Variants in PDLIM1 observed in about 807,000 individuals in gnomAD.
PDLIM1 encodes the protein PDZ and LIM domain 1.
A neutral mutation model predicts 35.2 loss-of-function variants in PDLIM1; 25 were observed. That is an observed-to-expected ratio of 0.71 (90% CI 0.52 to 0.99). The LOEUF (loss-of-function observed/expected upper bound fraction) is 0.99. PDLIM1 is among the 50% of genes least tolerant of loss of function. The pLI is 0.00. For missense variants in PDLIM1, 363 were observed against 415.3 expected (o/e 0.87, Z 1.09); for synonymous variants, 152 against 154.0 (o/e 0.99, Z 0.10).
In PDLIM1 at chr10:95,274,667, T is replaced by C. The variant is rs376469837; in HGVS notation, c.97-2883A>G. 2.2e-4 allele frequency among the ~76,000 whole-genome samples: 33 copies of C among 152,252 alleles called. 1 individual carries two copies. In the East Asian group the frequency reaches 5.2e-3, roughly 24 times the overall value. ...ACTTTATGTTTGCAAACCTCCTTGG[T>C]GGGTTAGTTTGTTTAATGTTGAAAG... On this transcript the variant is annotated intron_variant, in intron 1 of 6. Transcript: ENST00000329399.
chr10:95,259,981 A>C (rs2035346976), intron 4 of PDLIM1, among the ~76,000 whole-genome samples: 1 of 152,246 alleles, frequency 6.6e-6, no homozygotes. Flanking sequence ...ACCATAAGCC[A>C]CAGCAAAGTC....
intron 3 of PDLIM1, among the ~76,000 whole-genome samples, chr10:95,267,264 C>T (rs987421545): frequency 6.6e-6 from 1 of 152,120 alleles, no homozygotes; most frequent in Non-Finnish European, 1.5e-5. Context: ...CTGAAATTTA[C>T]ATAATTACCT....
chr10:95,279,082 A>G (rs2035538948), intron 1 of PDLIM1, among the ~76,000 whole-genome samples: 1 of 152,206 alleles, frequency 6.6e-6, no homozygotes, highest in Admixed American at 6.5e-5. Context: ...TTATATATCA[A>G]CAAAATCACT....
chr10:95,240,800 G>C (rs183698213), intron 5 of PDLIM1, among the ~76,000 whole-genome samples: 10 of 152,272 alleles, frequency 6.6e-5, no homozygotes, highest in African/African-American at 2.4e-4. Context: ...AGTCAGCCTG[G>C]TGCGTGTAAA....
intron 3 of PDLIM1, among the ~76,000 whole-genome samples, chr10:95,268,546 G>A (rs1381182452): frequency 1.3e-5 from 2 of 152,038 alleles, no homozygotes; most frequent in East Asian, 3.9e-4. Flanking sequence ...ATCGCCTTCC[G>A]ACCCCCTGCT....
rs185012882 is a variant in PDLIM1 at position 95,237,902 on chromosome 10, G to A, written c.*23C>T. ...AAAGCTGCAGCAGAGGCCTGCTGGA[G>A]AACAGTGGTCAGATCTGCTGGCTCA... On this transcript the variant is annotated 3_prime_UTR_variant, in exon 7 of 7. Transcript: ENST00000329399. 1 of 1,605,952 alleles carries A rather than the reference G, an allele frequency of 6.2e-7. No individual in the cohort carries two copies. Among genetic ancestry groups the A allele is most frequent in the East Asian group, 2.2e-5 (1 of 44,768 alleles).
At chr10:95,249,433 G>A (rs1248343550) in intron 4 of PDLIM1, among the ~76,000 whole-genome samples, 1 of 152,224 alleles carries the variant, frequency 6.6e-6, no homozygotes, top group Non-Finnish European at 1.5e-5. Context: ...AACAAGTTGT[G>A]CTTCCTGAGT....
At chr10:95,254,951 G>GA (rs2035297619) in intron 4 of PDLIM1, among the ~76,000 whole-genome samples, 1 of 151,906 alleles carries the variant, frequency 6.6e-6, no homozygotes, top group African/African-American at 2.4e-5. Flanking sequence ...AATCAGAAAT[G>GA]AAAGAGACAT....
intron 2 of PDLIM1, among the ~76,000 whole-genome samples, 190 bp downstream of exon 2, chr10:95,271,436 CAAAAAAA>C (rs5787128): frequency 1.4e-5 from 1 of 71,884 alleles, no homozygotes; most frequent in Non-Finnish European, 3.1e-5. Flanking sequence ...GACTCCGTCT[CAAAAAAA>C]AAAAAAAAAA....
intron 1 of PDLIM1, among the ~76,000 whole-genome samples, chr10:95,288,678 T>C (rs1263385024): frequency 1.3e-5 from 2 of 152,166 alleles, no homozygotes; most frequent in African/African-American, 4.8e-5. Context: ...ACAATGACTT[T>C]CCCATTCCCA....
intron 2 of PDLIM1, among the ~76,000 whole-genome samples, chr10:95,271,419 AGAGTGAGACTCCG>A (rs1383852714): frequency 6.7e-6 from 1 of 148,774 alleles, no homozygotes; most frequent in Non-Finnish European, 1.5e-5. Context: ...CCTGGGCAAC[AGAGTGAGACTCCG>A]TCTCAAAAAA....
At chr10:95,261,676 A>G (rs1218947549) in intron 4 of PDLIM1, among the ~76,000 whole-genome samples, 1 of 152,186 alleles carries the variant, frequency 6.6e-6, no homozygotes, top group Non-Finnish European at 1.5e-5. Context: ...TCACACAGAA[A>G]AAAGTCTGCC....
intron 4 of PDLIM1, among the ~76,000 whole-genome samples, chr10:95,251,057 C>G (rs2035263597): frequency 6.6e-6 from 1 of 152,048 alleles, no homozygotes; most frequent in African/African-American, 2.4e-5. Flanking sequence ...GCCTGCAGAC[C>G]TTATGTGTTT....
At chr10:95,244,254 T>TTG (rs1415073480) in intron 5 of PDLIM1, among the ~76,000 whole-genome samples, 2 of 152,314 alleles carry the variant, frequency 1.3e-5, no homozygotes, top group East Asian at 3.9e-4. Context: ...ATGAGACAGC[T>TTG]TGTGTTGGGT....
At chr10:95,268,960 C>T (rs1045761287) in intron 2 of PDLIM1, 98 bp from the exon 3 acceptor site, 6 of 815,762 alleles carry the variant, frequency 7.4e-6, no homozygotes, top group Non-Finnish European at 1.2e-5. Context: ...CTGGACTAGG[C>T]ACTGAACTAG....
Position 95,253,610 on chromosome 10 carries a change from C to T in PDLIM1, c.534-6244G>A, listed in dbSNP as rs556305496. 6.3e-4 allele frequency among the ~76,000 whole-genome samples: 94 copies of T among 150,078 alleles called. 1 individual carries two copies. The highest frequency in any genetic ancestry group is 2.1e-3 in the African/African-American group (85 of 40,760). The stretch of plus-strand genomic sequence containing the variant: ...GGTGGAGGTGGCAGTAAGCGGAGAT[C>T]GCACCACAGTAGTCCAACCTGGGTG... On this transcript the variant is annotated intron_variant, in intron 4 of 6. Coordinates refer to ENST00000329399, the MANE Select transcript of PDLIM1 (RefSeq NM_020992.4).
chr10:95,250,039 G>C (rs1250223670), intron 4 of PDLIM1, among the ~76,000 whole-genome samples: 1 of 152,094 alleles, frequency 6.6e-6, no homozygotes, highest in Non-Finnish European at 1.5e-5. Context: ...TTTTAACCAA[G>C]GGTCTTTCTT....
chr10:95,273,449 T>C (rs997136499), intron 1 of PDLIM1: 3 of 152,220 alleles, frequency 2.0e-5, no homozygotes, highest in African/African-American at 7.2e-5. Context: ...GTGGTGCCGC[T>C]ATTATGGTGC....
At position 95,238,055 on chromosome 10, in the gene PDLIM1, G is replaced by C; in HGVS notation, c.860C>G (p.Thr287Ser). The change falls in exon 7 of 7, where the codon ACT becomes AGT. Residue 287 changes from threonine (T) to serine (S), a missense_variant. Thr to Ser is a moderately conservative substitution (Grantham distance 58). Coordinates refer to ENST00000329399, the MANE Select transcript of PDLIM1 (RefSeq NM_020992.4). Reference protein sequence around the residue: ...RHRHPECYVCTDCGTNLKQKG... With the variant: ...RHRHPECYVCSDCGTNLKQKG... ...CTGTTTCAGGTTGGTGCCACAGTCA[G>C]TGCACACATAACACTCAGGGTGGCG... 1.2e-6 allele frequency: 2 copies of C among 1,614,120 alleles called. No homozygotes were observed. Among genetic ancestry groups the C allele is most frequent in the Non-Finnish European group, 1.7e-6 (2 of 1,179,992 alleles).
Sources: gnomAD v4.1 joint callset for allele counts (sites outside exome capture counted in the v4.1 genomes callset) on GRCh38, gnomAD v4.1.1 for gene constraint, MANE v1.5 for transcripts, NCBI Gene and HGNC (gene_info 2026-07-23, HGNC 2026-07-21) for gene names.